Variants in JADE2 observed in about 807,000 individuals in gnomAD.
The protein encoded by JADE2 is E3 ubiquitin-protein ligase Jade-2.
Under a neutral mutation model 85.7 loss-of-function variants are expected in JADE2, and 13 were observed. The observed-to-expected ratio is 0.15, with a 90% CI of 0.10 to 0.24. JADE2 has a LOEUF of 0.24. JADE2 is among the 10% of genes least tolerant of loss of function. JADE2 has a pLI of 1.00. For synonymous variants in JADE2, 440 were observed against 456.1 expected, an observed-to-expected ratio of 0.96 and a Z score of 0.45; for missense variants, 846 against 1,115.9, an observed-to-expected ratio of 0.76 and a Z score of 3.45.
intron 1 of JADE2, chr5:134,526,834 G>A: frequency 2.3e-6 from 2 of 873,536 alleles, no homozygotes; most frequent in South Asian, 5.2e-5. Context: ...CTCCGGGGCC[G>A]CGCGGTAGTC....
At position 134,563,006 on chromosome 5, in the gene JADE2, T is replaced by C. The variant is rs1175968817; in HGVS notation, c.852+639T>C. On this transcript the variant is annotated intron_variant, in intron 7 of 11. Transcript: ENST00000681547. ...TGGGGTCCATCTAAACCTTAGCAGT[T>C]GTTCCAACCAAAGTCAAGCCACATG... 4.6e-5 allele frequency among the ~76,000 whole-genome samples: 7 copies of C among 152,200 alleles called. No individual in the cohort carries two copies. In the South Asian group the frequency reaches 1.2e-3, roughly 27 times the overall value.
At position 134,579,745 on chromosome 5, in the gene JADE2, A is replaced by C; in HGVS notation, c.*428A>C. ...TTGCCCCCAGATCCCACTGGGGTCCATTTGGGGGGTCCTGCTACACTCCAC... is the reference window on the plus strand; with the variant it reads ...TTGCCCCCAGATCCCACTGGGGTCCCTTTGGGGGGTCCTGCTACACTCCAC... On this transcript the variant is annotated 3_prime_UTR_variant, in exon 12 of 12. Coordinates refer to ENST00000681547, the MANE Select transcript of JADE2 (RefSeq NM_001388185.1). The surrounding 1 kb of genome is among the most constrained non-coding windows in gnomAD (Gnocchi z 4.6). The C allele has an allele frequency of 5.7e-6, 1 of 174,502 alleles. No individual in the cohort carries two copies. Among genetic ancestry groups the C allele is most frequent in the African/African-American group, 2.4e-5 (1 of 42,342 alleles). The allele number at this position is 174,502 out of a possible 1,614,324, so 10.8% of individuals were successfully genotyped here. A position where few individuals can be genotyped will look rare whatever the true frequency, so the allele number is the denominator to read the frequency against.
intron 3 of JADE2, among the ~76,000 whole-genome samples, chr5:134,545,472 AG>A (rs1762244500): frequency 6.6e-6 from 1 of 151,810 alleles, no homozygotes; most frequent in African/African-American, 2.4e-5. Flanking sequence ...ACAACTGGGC[AG>A]GGGGTAGCTA....
intron 7 of JADE2, among the ~76,000 whole-genome samples, chr5:134,563,218 T>C (rs1263151288): frequency 6.6e-6 from 1 of 151,078 alleles, no homozygotes; most frequent in East Asian, 2.0e-4. Context: ...TTTGGGTGGC[T>C]GAGGCACGAG....
intron 8 of JADE2, among the ~76,000 whole-genome samples, chr5:134,564,873 G>A (rs756907857): frequency 1.2e-4 from 18 of 152,204 alleles, no homozygotes; most frequent in Non-Finnish European, 1.2e-4. Context: ...GGCTTTCCCT[G>A]AAAGCAAGTG....
At position 134,566,087 on chromosome 5, in the gene JADE2, G is replaced by A. The variant is rs768954506; in HGVS notation, c.970-29G>A. 1 of 1,588,454 alleles carries A rather than the reference G, an allele frequency of 6.3e-7. No homozygotes were observed. Among genetic ancestry groups the A allele is most frequent in the Non-Finnish European group, 8.6e-7 (1 of 1,162,548 alleles). Reference sequence around the variant, plus strand: ...TCCCCTCCCACCAGGCTCCCTCCATGTCTGATCCTGCCCCTCCTTTCCCCT... The same window carrying A: ...TCCCCTCCCACCAGGCTCCCTCCATATCTGATCCTGCCCCTCCTTTCCCCT... On this transcript the variant is annotated intron_variant, in intron 8 of 11. Coordinates refer to ENST00000681547, the MANE Select transcript of JADE2 (RefSeq NM_001388185.1). The surrounding 1 kb of genome is among the most constrained non-coding windows in gnomAD (Gnocchi z 6.7).
rs376026835 is a variant in JADE2 at position 134,578,479 on chromosome 5, C to G, written c.1682-15C>G. ...ACGTCTGCTGGCGTCTCACTTGCCT[C>G]CTCTCTCCCCTCAGCAGGCCTGTCC... On this transcript the variant is annotated splice_polypyrimidine_tract_variant and intron_variant, in intron 11 of 11. Coordinates refer to ENST00000681547, the MANE Select transcript of JADE2 (RefSeq NM_001388185.1). The surrounding 1 kb of genome is among the most constrained non-coding windows in gnomAD (Gnocchi z 4.4). 4.0e-5 allele frequency: 62 copies of G among 1,547,340 alleles called. No homozygotes were observed. The Middle Eastern group carries it at 1.9e-3, about 48-fold the overall frequency.
chr5:134,568,871 G>A (rs1024994088), intron 9 of JADE2, among the ~76,000 whole-genome samples: 2 of 152,234 alleles, frequency 1.3e-5, no homozygotes, highest in African/African-American at 2.4e-5. Context: ...CCTGGCCAGC[G>A]GGCCCAGTCT....
In JADE2 at chr5:134,578,738, C is replaced by T; in HGVS notation, c.1926C>T (p.Thr642=). The change falls in exon 12 of 12, where the codon ACC becomes ACT. Residue 642 remains threonine, a synonymous_variant. Coordinates refer to ENST00000681547, the MANE Select transcript of JADE2 (RefSeq NM_001388185.1). The surrounding 1 kb of genome is among the most constrained non-coding windows in gnomAD (Gnocchi z 4.4). ...CTGCTAGGAAGGCCCGAGGCCGCAC[C>T]CGCCTGCCTGCCAAGAAGAAACCAC... ...GDPARKARGR[T]RLPAKKKPPP... 2 of 1,613,608 alleles carry T rather than the reference C, an allele frequency of 1.2e-6. No homozygotes were observed. Among genetic ancestry groups the T allele is most frequent in the Non-Finnish European group, 1.7e-6 (2 of 1,179,956 alleles).
intron 3 of JADE2, among the ~76,000 whole-genome samples, chr5:134,548,552 G>A (rs1399552954): frequency 6.6e-6 from 1 of 152,162 alleles, no homozygotes; most frequent in Non-Finnish European, 1.5e-5. Context: ...CATGATTCCT[G>A]CCTGCTAGAG....
At chr5:134,564,466 A>G (rs2149986705) in intron 7 of JADE2, 28 bp from the exon 8 acceptor site, 2 of 1,458,698 alleles carry the variant, frequency 1.4e-6, no homozygotes, top group Non-Finnish European at 1.9e-6. Flanking sequence ...GATGAGAGGA[A>G]TGATGCAGCC....
At chr5:134,541,381 C>T (rs1460083696) in intron 3 of JADE2, among the ~76,000 whole-genome samples, 2 of 152,228 alleles carry the variant, frequency 1.3e-5, no homozygotes, top group South Asian at 2.1e-4. Context: ...GAGGATTTGG[C>T]GGCAGAGAAT....
At position 134,579,903 on chromosome 5, in the gene JADE2, C is replaced by T. The variant is rs1764615035; in HGVS notation, c.*586C>T. ...AGTTCCAGGGGAACTGAAAGCTGTT[C>T]CTGATCAGCCCGTATCATCTGAGGC... On this transcript the variant is annotated 3_prime_UTR_variant, in exon 12 of 12. Coordinates refer to ENST00000681547, the MANE Select transcript of JADE2 (RefSeq NM_001388185.1). The surrounding 1 kb of genome is among the most constrained non-coding windows in gnomAD (Gnocchi z 4.6). 6.5e-6 allele frequency: 1 copy of T among 153,320 alleles called. No homozygotes were observed. The highest frequency in any genetic ancestry group is 2.4e-5 in the African/African-American group (1 of 41,452). 9.5% of individuals were successfully genotyped at this position (153,320 alleles called of 1,614,324 possible).
intron 3 of JADE2, among the ~76,000 whole-genome samples, chr5:134,539,710 G>C (rs527827322): frequency 1.3e-5 from 2 of 152,380 alleles, no homozygotes; most frequent in South Asian, 2.1e-4. Flanking sequence ...TTGGTGGCGG[G>C]GCCCTCGTCA....
At chr5:134,528,471 T>C (rs1023765897) in intron 1 of JADE2, among the ~76,000 whole-genome samples, 4 of 152,082 alleles carry the variant, frequency 2.6e-5, no homozygotes, top group Non-Finnish European at 5.9e-5. Context: ...GGGGAAGGAA[T>C]GAGTAATAAA....
chr5:134,573,987 G>GGGCATCAGGCCT (rs1393447141), intron 10 of JADE2: 1 of 629,962 alleles, frequency 1.6e-6, no homozygotes, highest in Non-Finnish European at 2.9e-6. Context: ...GTTGGAATGT[G>GGGCATCAGGCCT]GGCATCAGGC....
At chr5:134,574,717 C>T (rs367868619) in intron 10 of JADE2, 1 of 152,274 alleles carries the variant, frequency 6.6e-6, no homozygotes, top group Non-Finnish European at 1.5e-5. Context: ...TAGAGCTCAC[C>T]GTGTACCCAA....
chr5:134,525,521 G>T, upstream of JADE2: 1 of 308,232 alleles, frequency 3.2e-6, no homozygotes, highest in Non-Finnish European at 5.8e-6. Flanking sequence ...GGCGGCGACG[G>T]GGGTGTCGGG....
rs777109279 is a variant in JADE2, at chr5:134,552,111, G to A, written c.213G>A (p.Pro71=). The change falls in exon 4 of 12, where the codon CCG becomes CCA. Residue 71 remains proline, a synonymous_variant. Transcript: ENST00000681547. ...MKIPDSYQLS[P]DDYYILADPW... ...TCCCGGACTCATACCAGCTCAGCCC[G>A]GATGACTACTACATCCTGGCAGACC... 71 of 1,614,176 alleles carry A rather than the reference G, an allele frequency of 4.4e-5. No individual in the cohort carries two copies. In the Middle Eastern group the frequency reaches 6.6e-4, roughly 15 times the overall value.
Sources: gnomAD v4.1 joint callset for allele counts (sites outside exome capture counted in the v4.1 genomes callset) on GRCh38, gnomAD v4.1.1 for gene constraint, Gnocchi (gnomAD v3.1) non-coding constraint, MANE v1.5 for transcripts, NCBI Gene and HGNC (gene_info 2026-07-23, HGNC 2026-07-21) for gene names.